BBS9: variants seen among roughly 807,000 people sequenced by gnomAD.
BBS9 encodes the protein Bardet-Biedl syndrome 9, also known as protein PTHB1.
BBS9 carries 89 observed loss-of-function variants against 117.7 expected under a neutral mutation model. The ratio of observed to expected loss-of-function variants is 0.76; its 90% CI spans 0.64 to 0.90. BBS9 has a LOEUF of 0.90. Ranked by LOEUF, BBS9 falls within the 40% of genes least tolerant of loss-of-function variation. The pLI is 0.00. For missense variants in BBS9, 982 were observed against 1,042.2 expected (o/e 0.94, Z 0.80); for synonymous variants, 379 against 370.9 (o/e 1.02, Z -0.25).
chr7:33,354,257 TCTTA>T (rs1221488692), intron 15 of BBS9, among the ~76,000 whole-genome samples: 21 of 152,150 alleles, frequency 1.4e-4, no homozygotes, highest in African/African-American at 4.8e-4. Context: ...GCCACTTAGA[TCTTA>T]CTTACACACA....
At chr7:33,211,723 A>T (rs1788061273) in intron 5 of BBS9, among the ~76,000 whole-genome samples, 1 of 152,148 alleles carries the variant, frequency 6.6e-6, no homozygotes, top group Non-Finnish European at 1.5e-5. Context: ...TCTCATTAAC[A>T]TCCTTTTCTT....
At chr7:33,441,236 T>G (rs1280982983) in intron 19 of BBS9, among the ~76,000 whole-genome samples, 2 of 150,764 alleles carry the variant, frequency 1.3e-5, no homozygotes, top group African/African-American at 2.4e-5. Context: ...TCCCTATTTG[T>G]GTGTATGAGC....
chr7:33,593,143 CCTT>C (rs1331810270), intron 21 of BBS9, among the ~76,000 whole-genome samples: 1 of 152,088 alleles, frequency 6.6e-6, no homozygotes, highest in Non-Finnish European at 1.5e-5. Flanking sequence ...ATCACAAATA[CCTT>C]CTTTTCAAAC....
Position 33,218,443 on chromosome 7 carries a change from T to C in BBS9, c.443-38793T>C, listed in dbSNP as rs537898968. On this transcript the variant is annotated intron_variant, in intron 5 of 22. Coordinates refer to ENST00000242067, the MANE Select transcript of BBS9 (RefSeq NM_198428.3). ...TAATGAACTGTTGTTTAAAAGTGGC[T>C]TAAGCTCCTGGTAAGAAAGCCATTT... 3.3e-5 allele frequency among the ~76,000 whole-genome samples: 5 copies of C among 152,360 alleles called. No individual in the cohort carries two copies. In the East Asian group the frequency reaches 9.6e-4, roughly 29 times the overall value.
intron 9 of BBS9, among the ~76,000 whole-genome samples, chr7:33,321,913 G>GT (rs752764708): frequency 3.8e-3 from 576 of 150,408 alleles, no homozygotes; most frequent in African/African-American, 1.0e-2. Context: ...TTTTTTGAGG[G>GT]TTTTTTTTTA....
chr7:33,244,036 C>G (rs73097281), intron 5 of BBS9, among the ~76,000 whole-genome samples: 2 of 151,920 alleles, frequency 1.3e-5, no homozygotes, highest in African/African-American at 2.4e-5. Flanking sequence ...ACCAACCTGG[C>G]CAACCAACAT....
chr7:33,377,270 C>T (rs937929123), intron 17 of BBS9, among the ~76,000 whole-genome samples: 3 of 152,030 alleles, frequency 2.0e-5, no homozygotes, highest in Admixed American at 6.6e-5. Context: ...ATATTGCTAG[C>T]CAGTTATTCC....
rs147864288 is a variant in BBS9, at chr7:33,372,445, T to C, written c.1789+4583T>C. ...TGCCCTTCATTCTGTTAATATGATGTATCATGCTTATTGATTTGCTTATGT... is the reference window on the plus strand; with the variant it reads ...TGCCCTTCATTCTGTTAATATGATGCATCATGCTTATTGATTTGCTTATGT... On this transcript the variant is annotated intron_variant, in intron 17 of 22. Transcript: ENST00000242067. Among the ~76,000 whole-genome samples the C allele has an allele frequency of 6.8e-3, 1,041 of 152,288 alleles. 14 individuals are homozygous for C. The highest frequency in any genetic ancestry group is 0.024 in the African/African-American group (1,002 of 41,560).
chr7:33,510,976 G>A (rs1382888737), intron 20 of BBS9, among the ~76,000 whole-genome samples: 1 of 152,208 alleles, frequency 6.6e-6, no homozygotes, highest in African/African-American at 2.4e-5. Flanking sequence ...CTGTTCAGAT[G>A]TGCAATAACC....
At chr7:33,223,962 C>T (rs1790762453) in intron 5 of BBS9, among the ~76,000 whole-genome samples, 1 of 152,138 alleles carries the variant, frequency 6.6e-6, no homozygotes, top group Non-Finnish European at 1.5e-5. Context: ...TGAAAGTTGA[C>T]TGAGTATATT....
chr7:33,552,936 C>A (rs373328517), intron 21 of BBS9, among the ~76,000 whole-genome samples: 65 of 152,312 alleles, frequency 4.3e-4, no homozygotes, highest in African/African-American at 1.5e-3. Context: ...AATTTCTTCA[C>A]AATTCTCCTT....
At chr7:33,630,351 T>A (rs1585508862) in intron 21 of BBS9, among the ~76,000 whole-genome samples, 4 of 151,984 alleles carry the variant, frequency 2.6e-5, no homozygotes, top group Admixed American at 1.3e-4. Flanking sequence ...AAGTTCAAAT[T>A]TTTTTTTTCA....
chr7:33,417,108 A>G (rs1832137683), intron 19 of BBS9, among the ~76,000 whole-genome samples: 1 of 152,168 alleles, frequency 6.6e-6, no homozygotes, highest in African/African-American at 2.4e-5. Flanking sequence ...TTTTAACAAT[A>G]GTTGTTAGAT....
At chr7:33,333,356 C>G (rs959218992) in intron 9 of BBS9, among the ~76,000 whole-genome samples, 2 of 152,138 alleles carry the variant, frequency 1.3e-5, no homozygotes, top group African/African-American at 4.8e-5. Context: ...GCCTCCTGCT[C>G]TATCCAAGTT....
chr7:33,358,055 T>C (rs1819964481), intron 16 of BBS9, 60 bp downstream of exon 16: 7 of 1,557,128 alleles, frequency 4.5e-6, no homozygotes, highest in South Asian at 2.2e-5. Context: ...TAGAATGGAA[T>C]CCTTCATCAG....
intron 19 of BBS9, among the ~76,000 whole-genome samples, chr7:33,468,970 A>G (rs1295927184): frequency 6.6e-6 from 1 of 151,092 alleles, no homozygotes; most frequent in East Asian, 1.9e-4. Flanking sequence ...TTAAACAGGC[A>G]TACAGATTTC....
chr7:33,397,998 AT>A (rs898847972), intron 19 of BBS9, among the ~76,000 whole-genome samples: 4 of 152,184 alleles, frequency 2.6e-5, no homozygotes, highest in African/African-American at 9.7e-5. Flanking sequence ...AGAAAAAAAA[AT>A]AAAAATTAAA....
chr7:33,624,085 C>A lies in BBS9; in HGVS notation c.2522-11092C>A, dbSNP rs530229889. Among the ~76,000 whole-genome samples the A allele has an allele frequency of 7.9e-5, 12 of 152,246 alleles. No individual in the cohort carries two copies. In the South Asian group the frequency reaches 2.5e-3, roughly 32 times the overall value. ...AAAACGACATGCCTCTAATTTCCCT[C>A]ATGATTCTGATAAATTTCAGCCCTT... On this transcript the variant is annotated intron_variant, in intron 21 of 21. Coordinates refer to the BBS9 transcript ENST00000671952.
intron 1 of BBS9, among the ~76,000 whole-genome samples, chr7:33,145,442 A>G (rs969461024): frequency 3.9e-5 from 6 of 152,172 alleles, no homozygotes; most frequent in African/African-American, 1.4e-4. Flanking sequence ...GGGTTGCCCA[A>G]GGACACACGG....
Sources: gnomAD v4.1 joint callset for allele counts (sites outside exome capture counted in the v4.1 genomes callset) on GRCh38, gnomAD v4.1.1 for gene constraint, MANE v1.5 for transcripts, NCBI Gene and HGNC (gene_info 2026-07-23, HGNC 2026-07-21) for gene names.